EAF2: variants seen among roughly 807,000 people sequenced by gnomAD.
EAF2 encodes the protein ELL associated factor 2, also known as ELL-associated factor 2.
EAF2 carries 29 observed loss-of-function variants against 29.4 expected under a neutral mutation model. The observed-to-expected ratio is 0.99, with a 90% CI of 0.73 to 1.35. The LOEUF (loss-of-function observed/expected upper bound fraction) is 1.35, where lower values mean the gene tolerates loss of function less well. Among genes scored for constraint, EAF2 ranks in the 40% most tolerant of loss-of-function variants. The pLI, the probability that EAF2 is intolerant of heterozygous loss-of-function variation, is 0.00. For missense variants in EAF2, 292 were observed against 312.0 expected, an observed-to-expected ratio of 0.94 and a Z score of 0.48; for synonymous variants, 103 against 102.5, an observed-to-expected ratio of 1.00 and a Z score of -0.03.
intron 2 of EAF2, among the ~76,000 whole-genome samples, chr3:121,854,322 A>AAAG (rs1253128575): frequency 6.6e-6 from 1 of 151,536 alleles, no homozygotes; most frequent in East Asian, 1.9e-4. Flanking sequence ...TCTCAAAAAA[A>AAAG]AAAAAAAAAA....
intron 5 of EAF2, 188 bp downstream of exon 5, chr3:121,872,976 C>T: frequency 2.3e-6 from 2 of 874,914 alleles, no homozygotes; most frequent in Non-Finnish European, 3.6e-6. Context: ...TGGTTTTTCT[C>T]CCATCTCTCT....
chr3:121,848,878 GCC>G, intron 2 of EAF2, among the ~76,000 whole-genome samples: 1 of 150,656 alleles, frequency 6.6e-6, no homozygotes, highest in African/African-American at 2.4e-5. Context: ...TATTTTAAAA[GCC>G]CCCCCCCACA....
At chr3:121,877,265 G>C (rs552034133) in intron 5 of EAF2, among the ~76,000 whole-genome samples, 1 of 151,780 alleles carries the variant, frequency 6.6e-6, no homozygotes, top group African/African-American at 2.4e-5. Context: ...AGTAGAAGTT[G>C]ACAAGTCTAT....
At chr3:121,847,348 G>C (rs1708546742) in intron 2 of EAF2, among the ~76,000 whole-genome samples, 1 of 152,190 alleles carries the variant, frequency 6.6e-6, no homozygotes, top group Admixed American at 6.5e-5. Flanking sequence ...ATGAGTTAAA[G>C]TTACCCAGAT....
chr3:121,860,916 A>T (rs12493270), intron 4 of EAF2, among the ~76,000 whole-genome samples: 16,894 of 152,028 alleles, frequency 0.11, 1,003 homozygotes, highest in South Asian at 0.16. Context: ...TTCTGCCTTC[A>T]TTTTGTTATT....
intron 1 of EAF2, 69 bp from the exon 2 acceptor site, chr3:121,844,384 C>T: frequency 1.1e-6 from 1 of 943,680 alleles, no homozygotes; most frequent in South Asian, 1.5e-5. Context: ...CATTCTGAAA[C>T]ATGCTCATAA....
At chr3:121,879,363 T>C (rs1709153820) in intron 5 of EAF2, among the ~76,000 whole-genome samples, 1 of 152,140 alleles carries the variant, frequency 6.6e-6, no homozygotes, top group South Asian at 2.1e-4. Flanking sequence ...ATTGTTTCTT[T>C]TGTTGTGCAG....
At chr3:121,872,193 AAAT>A (rs1263026573) in intron 4 of EAF2, among the ~76,000 whole-genome samples, 2 of 151,938 alleles carry the variant, frequency 1.3e-5, no homozygotes, top group African/African-American at 2.4e-5. Context: ...AAGGAACAAA[AAAT>A]AATCAGAAGA....
At chr3:121,845,459 A>AAAAAAAAAAAAAAAAAAAAAAAAAAAAAG (rs71133578) in intron 2 of EAF2, among the ~76,000 whole-genome samples, 1 of 96,600 alleles carries the variant, frequency 1.0e-5, no homozygotes, top group Non-Finnish European at 1.9e-5. Flanking sequence ...AAAAAAAAAA[A>AAAAAAAAAAAAAAAAAAAAAAAAAAAAAG]AAAGAAAGAA....
At chr3:121,846,671 C>A (rs1212366233) in intron 2 of EAF2, among the ~76,000 whole-genome samples, 1 of 151,880 alleles carries the variant, frequency 6.6e-6, no homozygotes, top group African/African-American at 2.4e-5. Context: ...TCAGGCTATA[C>A]AGTATTATTG....
At chr3:121,863,236 G>A (rs928092831) in intron 4 of EAF2, among the ~76,000 whole-genome samples, 4 of 152,232 alleles carry the variant, frequency 2.6e-5, no homozygotes, top group Admixed American at 6.5e-5. Flanking sequence ...CAGCAGGGAC[G>A]TTGAAGTCTG....
chr3:121,857,223 G>A (rs897471519), intron 4 of EAF2, 67 bp downstream of exon 4: 95 of 1,424,942 alleles, frequency 6.7e-5, no homozygotes, highest in South Asian at 1.2e-4. Context: ...GCCAGGCATG[G>A]TGGCTCACAC....
At chr3:121,868,039 A>G (rs1401071665) in intron 4 of EAF2, among the ~76,000 whole-genome samples, 1 of 152,242 alleles carries the variant, frequency 6.6e-6, no homozygotes, top group Admixed American at 6.5e-5. Flanking sequence ...AATACAGAGG[A>G]AGCAAACAGA....
chr3:121,877,014 GA>G (rs1021344868), intron 5 of EAF2, among the ~76,000 whole-genome samples: 1 of 150,312 alleles, frequency 6.7e-6, no homozygotes, highest in Non-Finnish European at 1.5e-5. Context: ...TAAAGAGATA[GA>G]AAAAAAGATG....
intron 1 of EAF2, among the ~76,000 whole-genome samples, chr3:121,841,504 CA>C (rs57868658): frequency 4.2e-4 from 11 of 26,002 alleles, no homozygotes; most frequent in Admixed American, 8.8e-4. Context: ...GACCCTGTCT[CA>C]AAAAAAAAAA....
chr3:121,836,881 T>C, intron 1 of EAF2: 1 of 786,064 alleles, frequency 1.3e-6, no homozygotes, highest in Non-Finnish European at 1.5e-6. Flanking sequence ...CTATATGATT[T>C]GGGTATATAT....
intron 4 of EAF2, among the ~76,000 whole-genome samples, chr3:121,863,062 G>A (rs533673640): frequency 3.9e-5 from 6 of 152,224 alleles, no homozygotes; most frequent in South Asian, 4.2e-4. Flanking sequence ...TGGAAGCTTC[G>A]TCTCAGAGGG....
At chr3:121,836,841 G>A in intron 1 of EAF2, 1 of 960,632 alleles carries the variant, frequency 1.0e-6, no homozygotes, top group South Asian at 4.8e-5. Flanking sequence ...AAGGGCTTAA[G>A]ATTATAAAAA....
At chr3:121,854,322 A>AT (rs1553727043) in intron 2 of EAF2, among the ~76,000 whole-genome samples, 3 of 151,652 alleles carry the variant, frequency 2.0e-5, no homozygotes, top group Non-Finnish European at 2.9e-5. Flanking sequence ...TCTCAAAAAA[A>AT]AAAAAAAAAA....
Sources: allele counts gnomAD v4.1 joint callset (sites outside exome capture counted in the v4.1 genomes callset), GRCh38; gene constraint gnomAD v4.1.1; transcripts MANE v1.5; gene names NCBI Gene and HGNC (gene_info 2026-07-23, HGNC 2026-07-21).